The following UNC80 variants were observed in gnomAD, a reference collection of about 807,000 sequenced individuals.
The protein encoded by UNC80 is protein unc-80 homolog.
A neutral mutation model predicts 384.6 loss-of-function variants in UNC80; 164 were observed. That is an observed-to-expected ratio of 0.43 (90% CI 0.38 to 0.49). UNC80 has a LOEUF of 0.49. Ranked by LOEUF, UNC80 falls within the 20% of genes least tolerant of loss-of-function variation. The pLI, the probability that UNC80 is intolerant of heterozygous loss-of-function variation, is 0.00. For missense variants in UNC80, 3,330 were observed against 4,143.0 expected (o/e 0.80, Z 5.39); for synonymous variants, 1,486 against 1,527.8 (o/e 0.97, Z 0.64).
At chr2:209,873,884 G>A (rs917957627) in intron 23 of UNC80, among the ~76,000 whole-genome samples, 13 of 152,104 alleles carry the variant, frequency 8.5e-5, no homozygotes, top group African/African-American at 3.1e-4. Context: ...TATGTGTGCA[G>A]TCTTTCTGTA....
chr2:209,796,151 G>A (rs959693468), intron 7 of UNC80: 5 of 152,286 alleles, frequency 3.3e-5, no homozygotes, highest in African/African-American at 9.6e-5. Flanking sequence ...AGTGTAACCT[G>A]GATGTGAGGC....
At chr2:209,936,969 G>A in intron 41 of UNC80, 36 bp downstream of exon 41, 1 of 1,423,510 alleles carries the variant, frequency 7.0e-7, no homozygotes, top group African/African-American at 1.4e-5. Context: ...GTTGAGTTGT[G>A]CCAAAGGCTT....
At chr2:209,912,041 C>T (rs1050237515) in intron 29 of UNC80, among the ~76,000 whole-genome samples, 2 of 152,102 alleles carry the variant, frequency 1.3e-5, no homozygotes, top group Admixed American at 6.6e-5. Context: ...CTTGATGGGT[C>T]CTGTATTTGA....
rs1179248703 is a variant in UNC80, at chr2:209,941,373, C to G, written c.6799C>G (p.Pro2267Ala). Residue 2267 changes from proline to alanine, a missense_variant, in exon 44 of 65, where the codon CCG (proline) becomes GCG (alanine). Transcript: ENST00000673920. Reference sequence around the variant, plus strand: ...TTTTAACGGGGCTCTGATCCTCCACCCGGAAGACAGTGCCCTGCTCAGGCA... The same window carrying G: ...TTTTAACGGGGCTCTGATCCTCCACGCGGAAGACAGTGCCCTGCTCAGGCA... ...NVFNGALILH[P>A]EDSALLRQYA... 1 of 1,551,226 alleles carries G rather than the reference C, an allele frequency of 6.4e-7. No homozygotes were observed. Among genetic ancestry groups the G allele is most frequent in the Non-Finnish European group, 8.7e-7 (1 of 1,146,766 alleles).
Position 209,818,977 on chromosome 2 carries a change from G to C in UNC80, c.1694-16G>C. On this transcript the variant is annotated splice_polypyrimidine_tract_variant and intron_variant, in intron 11 of 64. Coordinates refer to ENST00000673920, the MANE Select transcript of UNC80 (RefSeq NM_001371986.1). ...TTAATGTAGGGAGAACTAAGACATT[G>C]CTTTCATTTTATTAGTGCGATCTCA... is the stretch of plus-strand genomic sequence containing the variant. 1 of 1,549,044 alleles carries C rather than the reference G, an allele frequency of 6.5e-7. No individual in the cohort carries two copies. The highest frequency in any genetic ancestry group is 8.7e-7 in the Non-Finnish European group (1 of 1,145,142).
At position 209,788,138 on chromosome 2, in the gene UNC80, C is replaced by T. The variant is rs113207900; in HGVS notation, c.725-1394C>T. Among the ~76,000 whole-genome samples, 686 of 152,204 alleles carry T rather than the reference C, an allele frequency of 4.5e-3. 7 individuals are homozygous for T. Among genetic ancestry groups the T allele is most frequent in the African/African-American group, 0.015 (637 of 41,544 alleles). On this transcript the variant is annotated intron_variant, in intron 5 of 64. Coordinates refer to ENST00000673920, the MANE Select transcript of UNC80 (RefSeq NM_001371986.1). ...CTTGTTTTAAAACAAAAAAGTTGGC[C>T]GGGCGCGGTGGCTCACGCCTGTAAT...
At position 209,889,837 on chromosome 2, in the gene UNC80, T is replaced by C. The variant is rs570482226; in HGVS notation, c.4276+1577T>C. Reference sequence around the variant, plus strand: ...ACATGAACTCATCCTTTTTTATAGCTGCATAGTATTCCATGGTGTATATGT... The same window carrying C: ...ACATGAACTCATCCTTTTTTATAGCCGCATAGTATTCCATGGTGTATATGT... On this transcript the variant is annotated intron_variant, in intron 26 of 64. Transcript: ENST00000673920. Among the ~76,000 whole-genome samples, 13 of 152,324 alleles carry C rather than the reference T, an allele frequency of 8.5e-5. No individual in the cohort carries two copies. In the South Asian group the frequency reaches 2.7e-3, roughly 32 times the overall value.
At chr2:209,963,500 A>G (rs2092657121) in intron 51 of UNC80, among the ~76,000 whole-genome samples, 1 of 152,254 alleles carries the variant, frequency 6.6e-6, no homozygotes, top group African/African-American at 2.4e-5. Context: ...ATTCAGCTCT[A>G]CGTAGTCTTT....
chr2:209,997,478 G>C lies in UNC80; in HGVS notation c.*1883G>C, dbSNP rs934375372. 3 of 152,134 alleles carry C rather than the reference G, an allele frequency of 2.0e-5. No individual in the cohort carries two copies. Among genetic ancestry groups the C allele is most frequent in the Admixed American group, 2.0e-4 (3 of 15,268 alleles). 9.4% of individuals were successfully genotyped at this position (152,134 alleles called of 1,614,324 possible). On this transcript the variant is annotated 3_prime_UTR_variant, in exon 65 of 65. Transcript: ENST00000673920. ...CTATATATGTGTGTGCTTTGTTCCA[G>C]TTTCTTCAAATTATCTATGTATAAT...
chr2:209,854,823 C>T (rs1435721963), intron 22 of UNC80, among the ~76,000 whole-genome samples: 1 of 152,036 alleles, frequency 6.6e-6, no homozygotes, highest in Non-Finnish European at 1.5e-5. Flanking sequence ...TGTGGAGAAA[C>T]AGGAATGCTT....
chr2:209,785,956 A>G, intron 4 of UNC80, 110 bp from the exon 5 acceptor site: 1 of 1,266,582 alleles, frequency 7.9e-7, no homozygotes, highest in Non-Finnish European at 1.1e-6. Flanking sequence ...TGGCAGATAA[A>G]TTCACTCTGA....
chr2:209,920,831 T>C (rs891599427), intron 33 of UNC80, among the ~76,000 whole-genome samples: 10 of 140,524 alleles, frequency 7.1e-5, no homozygotes, highest in Middle Eastern at 3.8e-3. Flanking sequence ...AATGTTCTTC[T>C]TTTTTTTTTT....
chr2:209,872,862 G>T lies in UNC80; in HGVS notation c.3732G>T (p.Val1244=). The change falls in exon 23 of 65, where the codon GTG becomes GTT. Residue 1244 remains valine, a synonymous_variant. Transcript: ENST00000673920. This position sits in a 1 kb window ranked among gnomAD's most constrained non-coding sequence, Gnocchi z 4.1. The stretch of plus-strand genomic sequence containing the variant: ...CAGAGTGGATGAAAGGGCACCACGT[G>T]AACATCACCAAGAAAGGACTTTCCC... ...NWPEWMKGHH[V]NITKKGLSRG... is the part of the protein sequence containing the mutation. 6.4e-7 allele frequency: 1 copy of T among 1,551,426 alleles called. No homozygotes were observed. Among genetic ancestry groups the T allele is most frequent in the East Asian group, 2.4e-5 (1 of 40,900 alleles).
At chr2:209,912,734 T>TTGGGACA (rs1206735891) in intron 30 of UNC80, 67 bp downstream of exon 30, 2 of 1,113,854 alleles carry the variant, frequency 1.8e-6, no homozygotes, top group Admixed American at 4.3e-5. Context: ...GACAGCCTAT[T>TTGGGACA]TACTAATGTT....
chr2:209,889,124 C>G lies in UNC80; in HGVS notation c.4276+864C>G, dbSNP rs561759274. ...ACAAGTTCCCTAACCATGGAATAGA[C>G]CAGATATTAACCAGATATGAAGTTT... On this transcript the variant is annotated intron_variant, in intron 26 of 64. Coordinates refer to ENST00000673920, the MANE Select transcript of UNC80 (RefSeq NM_001371986.1). Among the ~76,000 whole-genome samples the G allele has an allele frequency of 3.3e-5, 5 of 152,232 alleles. No homozygotes were observed. In the South Asian group the frequency reaches 1.0e-3, roughly 32 times the overall value.
intron 12 of UNC80, among the ~76,000 whole-genome samples, chr2:209,819,952 A>T (rs2080023399): frequency 6.6e-6 from 1 of 152,224 alleles, no homozygotes; most frequent in African/African-American, 2.4e-5. Context: ...AGATTAAAAC[A>T]TTTTTATTTT....
rs1459931597 is a variant in UNC80, at chr2:209,815,273, G to C, written c.1217G>C (p.Cys406Ser). The change falls in exon 9 of 65, where the codon TGT becomes TCT. Residue 406 changes from cysteine to serine, a missense_variant. By Grantham distance (112) the Cys-to-Ser change is moderately radical. Around this residue, in one of 8 missense-constraint regions of UNC80, gnomAD observed 937 missense variants for 1,026.8 expected, o/e 0.91. Coordinates refer to ENST00000673920, the MANE Select transcript of UNC80 (RefSeq NM_001371986.1). ...THKTQDLTMK[C>S]NEEEKSLSSE... ...TTTATTAAGGATCTCACCATGAAGT[G>C]TAACGAGGAGGAAAAATCTCTTAGC... 5 of 1,551,514 alleles carry C rather than the reference G, an allele frequency of 3.2e-6. No individual in the cohort carries two copies. Among genetic ancestry groups the C allele is most frequent in the Admixed American group, 3.9e-5 (2 of 50,976 alleles).
At chr2:209,989,231 A>G (rs2093348676) in intron 61 of UNC80, among the ~76,000 whole-genome samples, 1 of 151,786 alleles carries the variant, frequency 6.6e-6, no homozygotes, top group South Asian at 2.1e-4. Context: ...AGGCTGAGGC[A>G]TGAGAATTGC....
intron 7 of UNC80, chr2:209,794,840 T>C (rs1278473560): frequency 8.8e-6 from 4 of 452,100 alleles, no homozygotes; most frequent in Admixed American, 4.8e-5. Flanking sequence ...TTCTCAGCCA[T>C]GTGGAACTGT....
Sources: gnomAD v4.1 joint callset for allele counts (sites outside exome capture counted in the v4.1 genomes callset) on GRCh38, gnomAD v4.1.1 for gene constraint, gnomAD v4.1.1 regional missense constraint, Gnocchi (gnomAD v3.1) non-coding constraint, MANE v1.5 for transcripts, NCBI Gene and HGNC (gene_info 2026-07-23, HGNC 2026-07-21) for gene names.